IKZF1: variants seen among roughly 807,000 people sequenced by gnomAD.
IKZF1 encodes the protein DNA-binding protein Ikaros.
Under a neutral mutation model 51.7 loss-of-function variants are expected in IKZF1, and 10 were observed. The observed-to-expected ratio is 0.19, with a 90% CI of 0.12 to 0.33. The LOEUF is 0.33. IKZF1 is among the 10% of genes least tolerant of loss of function. IKZF1 has a pLI of 1.00. For missense variants in IKZF1, 484 were observed against 707.5 expected (o/e 0.68, Z 3.58); for synonymous variants, 280 against 282.3 (o/e 0.99, Z 0.08).
chr7:50,314,766 G>A (rs35042793), intron 1 of IKZF1, among the ~76,000 whole-genome samples: 2,879 of 152,306 alleles, frequency 0.019, 49 homozygotes, highest in East Asian at 0.041. Flanking sequence ...CAGCAGGTTC[G>A]GTGGAGCTCT....
intron 4 of IKZF1, among the ~76,000 whole-genome samples, chr7:50,379,098 A>T (rs924609780): frequency 2.0e-5 from 3 of 152,240 alleles, no homozygotes; most frequent in Non-Finnish European, 4.4e-5. Context: ...GTGAACATAC[A>T]ACTCTGCTTC....
intron 7 of IKZF1, among the ~76,000 whole-genome samples, chr7:50,395,142 C>A (rs1816343887): frequency 6.6e-6 from 1 of 151,946 alleles, no homozygotes; most frequent in African/African-American, 2.4e-5. Flanking sequence ...ACCACAAAAC[C>A]CAACATCCAG....
At chr7:50,345,043 A>T (rs550794225) in intron 3 of IKZF1, among the ~76,000 whole-genome samples, 1 of 152,086 alleles carries the variant, frequency 6.6e-6, no homozygotes, top group Non-Finnish European at 1.5e-5. Context: ...GAAAAATAAG[A>T]GGAATGAATA....
chr7:50,316,707 C>T (rs533763287), intron 1 of IKZF1, among the ~76,000 whole-genome samples: 4 of 152,366 alleles, frequency 2.6e-5, no homozygotes, highest in South Asian at 2.1e-4. Context: ...CACATCTCAC[C>T]GCCTGAAAGG....
chr7:50,339,594 GA>G (rs1306274936), intron 3 of IKZF1, among the ~76,000 whole-genome samples: 13 of 149,316 alleles, frequency 8.7e-5, no homozygotes, highest in East Asian at 3.9e-4. Context: ...ACTAAAATAT[GA>G]AAAAAAAAAT....
At chr7:50,394,545 G>A (rs1156893956) in intron 7 of IKZF1, among the ~76,000 whole-genome samples, 1 of 152,138 alleles carries the variant, frequency 6.6e-6, no homozygotes, top group Non-Finnish European at 1.5e-5. Flanking sequence ...CATGGTGCTG[G>A]GCTTAGTGTT....
chr7:50,303,933 C>T (rs967756400), upstream of IKZF1: 1 of 144,582 alleles, frequency 6.9e-6, no homozygotes, highest in African/African-American at 2.5e-5. The surrounding 1 kb of genome is among the most constrained non-coding windows in gnomAD (Gnocchi z 4.7). Flanking sequence ...CCGGGCTGCC[C>T]GGCCCGCGGA....
intron 2 of IKZF1, among the ~76,000 whole-genome samples, chr7:50,324,421 C>T (rs1794297110): frequency 6.6e-6 from 1 of 152,180 alleles, no homozygotes; most frequent in Non-Finnish European, 1.5e-5. Flanking sequence ...CACTACCATC[C>T]AGTTCTGACT....
rs2153469942 is a variant in IKZF1, at chr7:50,376,723, A to T, written c.351A>T (p.Leu117=). The stretch of plus-strand genomic sequence containing the variant: ...GCATTCGACTTCCTAACGGAAAACT[A>T]AAGTGTGATATCTGTGGGATCATTT... ...VGGIRLPNGK[L]KCDICGIICI... Residue 117 remains leucine (L), a synonymous_variant, in exon 4 of 8, where the codon CTA becomes CTT. Coordinates refer to ENST00000331340, the MANE Select transcript of IKZF1 (RefSeq NM_006060.6). The surrounding 1 kb of genome is among the most constrained non-coding windows in gnomAD (Gnocchi z 4.5). 6.2e-7 allele frequency: 1 copy of T among 1,613,966 alleles called. No homozygotes were observed. The highest frequency in any genetic ancestry group is 8.5e-7 in the Non-Finnish European group (1 of 1,179,888).
chr7:50,375,281 G>A (rs1809893494), intron 3 of IKZF1, among the ~76,000 whole-genome samples: 1 of 152,150 alleles, frequency 6.6e-6, no homozygotes, highest in African/African-American at 2.4e-5. Flanking sequence ...AAAAATGGCT[G>A]GATGTGGTGG....
At chr7:50,352,488 T>A (rs1802104925) in intron 3 of IKZF1, among the ~76,000 whole-genome samples, 1 of 152,212 alleles carries the variant, frequency 6.6e-6, no homozygotes, top group Admixed American at 6.5e-5. Flanking sequence ...GTTGATTACC[T>A]CAGAGATCAG....
intron 3 of IKZF1, among the ~76,000 whole-genome samples, chr7:50,370,178 A>G (rs1319544906): frequency 1.3e-5 from 2 of 152,214 alleles, no homozygotes; most frequent in East Asian, 3.8e-4. Flanking sequence ...CATGGCCTAA[A>G]CTCACACTAG....
chr7:50,394,312 C>T (rs2153506884), intron 7 of IKZF1: 1 of 233,144 alleles, frequency 4.3e-6, no homozygotes, highest in East Asian at 6.0e-5. Context: ...AGATTTCCAT[C>T]AGTCACTCCC....
chr7:50,336,013 C>T lies in IKZF1; in HGVS notation c.160+8256C>T, dbSNP rs957742424. 2.1e-3 allele frequency among the ~76,000 whole-genome samples: 323 copies of T among 152,196 alleles called. 3 individuals are homozygous for T. Among genetic ancestry groups the T allele is most frequent in the Non-Finnish European group, 2.6e-3 (177 of 67,982 alleles). On this transcript the variant is annotated intron_variant, in intron 3 of 7. Transcript: ENST00000331340. ...TAGAGGGCTGTCCAGAGCAGCTGCA[C>T]TGATATCATCATCATCTGCATTTTG...
In IKZF1 at chr7:50,376,556, C is replaced by A. The variant is rs2153468655; in HGVS notation, c.184C>A (p.Gln62Lys). Residue 62 changes from glutamine (Q) to lysine (K), a missense_variant, in exon 4 of 8, where the codon CAG becomes AAG. By Grantham distance (53) the Gln-to-Lys change is moderately conservative. Transcript: ENST00000331340. The surrounding 1 kb of genome is among the most constrained non-coding windows in gnomAD (Gnocchi z 4.5). The stretch of plus-strand genomic sequence containing the variant: ...AGCCAGTAATGTTAAAGTAGAGACT[C>A]AGAGTGATGAAGAGAATGGGCGTGC... ...VVASNVKVET[Q>K]SDEENGRACE... 1 of 1,613,762 alleles carries A rather than the reference C, an allele frequency of 6.2e-7. No individual in the cohort carries two copies. The highest frequency in any genetic ancestry group is 8.5e-7 in the Non-Finnish European group (1 of 1,179,854).
At chr7:50,367,918 T>A (rs1052522491) in intron 3 of IKZF1, 28 of 605,392 alleles carry the variant, frequency 4.6e-5, no homozygotes, top group Non-Finnish European at 2.3e-5. Flanking sequence ...CGTTCTTTTT[T>A]AAAAAAAAGT....
chr7:50,310,329 A>G (rs1789855460), intron 1 of IKZF1, among the ~76,000 whole-genome samples: 1 of 152,214 alleles, frequency 6.6e-6, no homozygotes, highest in South Asian at 2.1e-4. Flanking sequence ...AAAATAAATA[A>G]TTTCAACTTA....
chr7:50,397,073 A>G (rs1297622771), intron 7 of IKZF1, among the ~76,000 whole-genome samples: 1 of 152,258 alleles, frequency 6.6e-6, no homozygotes, highest in Non-Finnish European at 1.5e-5. Flanking sequence ...CTTTATAGAT[A>G]TGAGGCTATG....
chr7:50,320,108 T>G (rs1792768421), intron 2 of IKZF1, among the ~76,000 whole-genome samples: 1 of 152,172 alleles, frequency 6.6e-6, no homozygotes, highest in African/African-American at 2.4e-5. Flanking sequence ...CTCTCCCAGG[T>G]GCAAAGAACA....
Sources: gnomAD v4.1 joint callset for allele counts (sites outside exome capture counted in the v4.1 genomes callset) on GRCh38, gnomAD v4.1.1 for gene constraint, Gnocchi (gnomAD v3.1) non-coding constraint, MANE v1.5 for transcripts, NCBI Gene and HGNC (gene_info 2026-07-23, HGNC 2026-07-21) for gene names.